RNF220: variants seen among roughly 807,000 people sequenced by gnomAD.
The protein encoded by RNF220 is E3 ubiquitin-protein ligase RNF220.
Under a neutral mutation model 67.1 loss-of-function variants are expected in RNF220, and 7 were observed. The observed-to-expected ratio is 0.10, with a 90% CI of 0.06 to 0.20. The LOEUF (loss-of-function observed/expected upper bound fraction) is 0.20. RNF220 is among the 10% of genes least tolerant of loss of function. The pLI, the probability that RNF220 is intolerant of heterozygous loss-of-function variation, is 1.00. For missense variants in RNF220, 565 were observed against 740.3 expected (o/e 0.76, Z 2.75); for synonymous variants, 270 against 283.2 (o/e 0.95, Z 0.47).
chr1:44,483,792 A>G (rs1196042540), intron 2 of RNF220, among the ~76,000 whole-genome samples: 2 of 152,156 alleles, frequency 1.3e-5, no homozygotes. Flanking sequence ...TGCATATTTC[A>G]TTATTTTGTT....
chr1:44,434,534 A>C (rs911379822), intron 2 of RNF220, among the ~76,000 whole-genome samples: 2 of 151,954 alleles, frequency 1.3e-5, no homozygotes, highest in Admixed American at 6.6e-5. Flanking sequence ...CGGTGAAACC[A>C]CGTCTCTACT....
chr1:44,566,974 CTAGAA>C, intron 2 of RNF220, among the ~76,000 whole-genome samples: 1 of 152,306 alleles, frequency 6.6e-6, no homozygotes, highest in South Asian at 2.1e-4. Flanking sequence ...CCAAGGACCC[CTAGAA>C]TAGTCCTGCT....
intron 4 of RNF220, among the ~76,000 whole-genome samples, chr1:44,623,212 C>T (rs1025484773): frequency 2.6e-5 from 4 of 151,812 alleles, no homozygotes; most frequent in Non-Finnish European, 5.9e-5. Flanking sequence ...TATGAATGTG[C>T]AGGTGTGTGC....
At chr1:44,596,283 TG>T (rs1434717676) in intron 2 of RNF220, among the ~76,000 whole-genome samples, 1 of 151,840 alleles carries the variant, frequency 6.6e-6, no homozygotes, top group Admixed American at 6.6e-5. Context: ...GAGAAGGGGC[TG>T]GGTGCGGTGG....
intron 2 of RNF220, among the ~76,000 whole-genome samples, chr1:44,485,534 A>G (rs1656210698): frequency 6.6e-6 from 1 of 152,176 alleles, no homozygotes. Flanking sequence ...ATATAAAGAA[A>G]ACAAAATCCA....
chr1:44,601,638 C>T (rs1666926725), intron 2 of RNF220, among the ~76,000 whole-genome samples: 1 of 152,062 alleles, frequency 6.6e-6, no homozygotes, highest in African/African-American at 2.4e-5. Context: ...AAATTCATGC[C>T]TAAGGACTAA....
At chr1:44,616,102 TG>T (rs1344154646) in intron 3 of RNF220, among the ~76,000 whole-genome samples, 1 of 152,224 alleles carries the variant, frequency 6.6e-6, no homozygotes, top group African/African-American at 2.4e-5. Flanking sequence ...ACATGGCAGC[TG>T]ACTTCCCACA....
At chr1:44,632,069 C>T (rs1000972239) in intron 5 of RNF220, 3 of 1,142,204 alleles carry the variant, frequency 2.6e-6, no homozygotes, top group African/African-American at 3.3e-5. Flanking sequence ...GGCCGGGCGG[C>T]CGTGGGGCCC....
chr1:44,551,022 A>G (rs1217442907), intron 2 of RNF220, among the ~76,000 whole-genome samples: 1 of 150,182 alleles, frequency 6.7e-6, no homozygotes, highest in Non-Finnish European at 1.5e-5. Flanking sequence ...AACTAAAGTC[A>G]TTGTCTTCCC....
At chr1:44,451,259 A>G (rs1230534571) in intron 2 of RNF220, among the ~76,000 whole-genome samples, 1 of 152,154 alleles carries the variant, frequency 6.6e-6, no homozygotes, top group African/African-American at 2.4e-5. Flanking sequence ...TCATTTACAT[A>G]ATGAGAATAA....
chr1:44,646,210 C>G (rs781189510), intron 12 of RNF220, among the ~76,000 whole-genome samples: 12 of 152,264 alleles, frequency 7.9e-5, no homozygotes, highest in Non-Finnish European at 1.5e-4. Context: ...GCAGCCTCTT[C>G]ATTCCAGGGC....
rs548714059 is a variant in RNF220 at position 44,622,049 on chromosome 1, A to T, written c.759-693A>T. 2.0e-5 allele frequency among the ~76,000 whole-genome samples: 3 copies of T among 152,236 alleles called. No homozygotes were observed. The highest frequency in any genetic ancestry group is 4.4e-5 in the Non-Finnish European group (3 of 68,040). On this transcript the variant is annotated intron_variant, in intron 3 of 14. Transcript: ENST00000361799. The surrounding 1 kb of genome is among the most constrained non-coding windows in gnomAD (Gnocchi z 4.3). ...CTTGTTCCATTGTCAGCATCTGTTTAGCAGGGATTTGTAATACTTTGTGGC... is the reference window on the plus strand; with the variant it reads ...CTTGTTCCATTGTCAGCATCTGTTTTGCAGGGATTTGTAATACTTTGTGGC...
Position 44,632,400 on chromosome 1 carries a change from G to GGCCCCCCCCCC in RNF220, c.949+15_949+16insGCCCCCCCCCC. ...CCGACTGAATGGTGAGTCCTGCCCGGCCCCTCCCTCCGCCCCACCCCCGGC... is the reference window on the plus strand; with the variant it reads ...CCGACTGAATGGTGAGTCCTGCCCGGGCCCCCCCCCCCCCCTCCCTCCGCCCCACCCCCGGC... On this transcript the variant is annotated intron_variant, in intron 6 of 14. Coordinates refer to ENST00000361799, the MANE Select transcript of RNF220 (RefSeq NM_018150.4). The GGCCCCCCCCCC allele has an allele frequency of 2.5e-6, 4 of 1,607,438 alleles. No homozygotes were observed. The highest frequency in any genetic ancestry group is 1.7e-6 in the Non-Finnish European group (2 of 1,177,484).
intron 2 of RNF220, among the ~76,000 whole-genome samples, chr1:44,537,174 C>T (rs1266125959): frequency 1.3e-5 from 2 of 152,176 alleles, no homozygotes; most frequent in African/African-American, 4.8e-5. Context: ...CCTGCATACA[C>T]ACACACACAC....
At position 44,539,725 on chromosome 1, in the gene RNF220, T is replaced by C. The variant is rs574755737; in HGVS notation, c.626-74440T>C. ...CAAAATCTCTCATTTCTGAATCCAA[T>C]ACCTTATCATTTTTCATCTGTATTA... On this transcript the variant is annotated intron_variant, in intron 2 of 14. Transcript: ENST00000361799. 4.6e-5 allele frequency among the ~76,000 whole-genome samples: 7 copies of C among 152,312 alleles called. No homozygotes were observed. In the South Asian group the frequency reaches 1.5e-3, roughly 32 times the overall value.
Position 44,417,376 on chromosome 1 carries a change from A to G in RNF220, c.625+4654A>G, listed in dbSNP as rs1648646561. On this transcript the variant is annotated intron_variant, in intron 2 of 14. Coordinates refer to ENST00000361799, the MANE Select transcript of RNF220 (RefSeq NM_018150.4). This position sits in a 1 kb window ranked among gnomAD's most constrained non-coding sequence, Gnocchi z 4.0. ...GGGTTTAATTGTCTTGTTGGGATAA[A>G]GAAATGTTTGCACAGCTAAAGTGGG... Among the ~76,000 whole-genome samples, 1 of 152,196 alleles carries G rather than the reference A, an allele frequency of 6.6e-6. No homozygotes were observed. The highest frequency in any genetic ancestry group is 6.5e-5 in the Admixed American group (1 of 15,276).
At chr1:44,614,054 C>A in intron 2 of RNF220, 111 bp from the exon 3 acceptor site, 1 of 1,436,532 alleles carries the variant, frequency 7.0e-7, no homozygotes, top group Non-Finnish European at 9.5e-7. Context: ...CTCCTCTAGG[C>A]CAAGAAGCCC....
intron 3 of RNF220, among the ~76,000 whole-genome samples, chr1:44,617,831 G>T (rs1438409672): frequency 6.6e-6 from 1 of 152,034 alleles, no homozygotes; most frequent in Non-Finnish European, 1.5e-5. Flanking sequence ...TCCACCAAAG[G>T]CACATCTTTG....
intron 2 of RNF220, among the ~76,000 whole-genome samples, chr1:44,517,263 C>G (rs1659525520): frequency 6.6e-6 from 1 of 152,252 alleles, no homozygotes; most frequent in Non-Finnish European, 1.5e-5. Flanking sequence ...TAGAGTCAAG[C>G]CCATAATCCT....
Sources: gnomAD v4.1 joint callset for allele counts (sites outside exome capture counted in the v4.1 genomes callset) on GRCh38, gnomAD v4.1.1 for gene constraint, Gnocchi (gnomAD v3.1) non-coding constraint, MANE v1.5 for transcripts, NCBI Gene and HGNC (gene_info 2026-07-23, HGNC 2026-07-21) for gene names.